The following MTUS2 variants were observed in gnomAD, a reference collection of about 807,000 sequenced individuals.
The protein encoded by MTUS2 is microtubule-associated tumor suppressor candidate 2.
In MTUS2, 40 loss-of-function variants were observed where a neutral mutation model predicts 114.1. The ratio of observed to expected loss-of-function variants is 0.35; its 90% CI spans 0.27 to 0.46. MTUS2 has a LOEUF of 0.46. MTUS2 is among the 20% of genes least tolerant of loss of function. MTUS2 has a pLI of 1.00. For missense variants in MTUS2, 1,679 were observed against 1,705.4 expected, an observed-to-expected ratio of 0.98 and a Z score of 0.27; for synonymous variants, 688 against 672.0, an observed-to-expected ratio of 1.02 and a Z score of -0.37.
chr13:29,503,264 G>T lies in MTUS2; in HGVS notation c.*58G>T. ...CTCGTCCTCCGGTCTCCACCCTGAG[G>T]GAGCACCGACCCGGTGCCGCCGGAG... is the stretch of plus-strand genomic sequence containing the variant. On this transcript the variant is annotated 3_prime_UTR_variant, in exon 16 of 16. Coordinates refer to ENST00000612955, the MANE Select transcript of MTUS2 (RefSeq NM_001033602.4). 6.3e-7 allele frequency: 1 copy of T among 1,591,076 alleles called. No individual in the cohort carries two copies. The highest frequency in any genetic ancestry group is 8.6e-7 in the Non-Finnish European group (1 of 1,166,938).
At position 29,075,655 on chromosome 13, in the gene MTUS2, G is replaced by T. The variant is rs58053228; in HGVS notation, c.2447-25118G>T. 5.3e-3 allele frequency among the ~76,000 whole-genome samples: 801 copies of T among 152,248 alleles called. 6 individuals carry two copies. Among genetic ancestry groups the T allele is most frequent in the African/African-American group, 0.018 (761 of 41,552 alleles). ...TGGGCTTCCACTGAGGTTACTGAGG[G>T]ACAACAACTTTATGTTTCCTAGAAT... On this transcript the variant is annotated intron_variant, in intron 4 of 15. Transcript: ENST00000612955.
intron 5 of MTUS2, among the ~76,000 whole-genome samples, chr13:29,117,526 G>T (rs1273532061): frequency 1.3e-5 from 2 of 152,044 alleles, no homozygotes; most frequent in Non-Finnish European, 2.9e-5. Flanking sequence ...AGTAATGCAG[G>T]GCTCCTCCAT....
intron 5 of MTUS2, among the ~76,000 whole-genome samples, chr13:29,257,376 T>C (rs1376868812): frequency 1.3e-5 from 2 of 152,228 alleles, no homozygotes; most frequent in Non-Finnish European, 2.9e-5. Context: ...CATCTTCTGC[T>C]ACCTTCCTAG....
In MTUS2 at chr13:28,942,950, TAAA is replaced by T. The variant is rs200753039; in HGVS notation, c.-242-81504_-242-81502del. Among the ~76,000 whole-genome samples, 727 of 152,272 alleles carry T rather than the reference TAAA, an allele frequency of 4.8e-3. 7 individuals carry two copies. The East Asian group carries it at 0.066, about 14-fold the overall frequency. On this transcript the variant is annotated intron_variant, in intron 2 of 15. Coordinates refer to ENST00000612955, the MANE Select transcript of MTUS2 (RefSeq NM_001033602.4). Reference sequence around the variant, plus strand: ...TTAATCATTTTTCTGTATATTTTAATAAAAATTTATGAAACGATATATTAATAC... The same window carrying T: ...TTAATCATTTTTCTGTATATTTTAATAATTTATGAAACGATATATTAATAC...
chr13:29,046,976 C>T (rs528282529), intron 4 of MTUS2, among the ~76,000 whole-genome samples: 2 of 152,188 alleles, frequency 1.3e-5, no homozygotes, highest in South Asian at 2.1e-4. Flanking sequence ...GGAAAGGGTA[C>T]AGAGGCAGGA....
At chr13:29,076,494 G>A (rs936869229) in intron 4 of MTUS2, among the ~76,000 whole-genome samples, 1 of 152,298 alleles carries the variant, frequency 6.6e-6, no homozygotes, top group South Asian at 2.1e-4. Flanking sequence ...GTCAGATTTG[G>A]TTAGTTCTAC....
At chr13:28,831,913 T>C (rs1874710791) in intron 1 of MTUS2, among the ~76,000 whole-genome samples, 1 of 151,416 alleles carries the variant, frequency 6.6e-6, no homozygotes, top group African/African-American at 2.4e-5. Context: ...CATGCCACCA[T>C]GCCTGGCTAT....
intron 2 of MTUS2, among the ~76,000 whole-genome samples, chr13:28,974,625 A>C (rs1884005962): frequency 6.6e-6 from 1 of 152,236 alleles, no homozygotes; most frequent in South Asian, 2.1e-4. Context: ...GTTCATAATA[A>C]ATGTTTGTCC....
rs1038448208 is a variant in MTUS2, at chr13:29,157,360, T to G, written c.2644+56390T>G. On this transcript the variant is annotated intron_variant, in intron 5 of 15. Transcript: ENST00000612955. ...TAAGAGTCCCCAATTCTCCACATACTCACCAGCCCTTGGTGTTTTTGACTT... is the reference window on the plus strand; with the variant it reads ...TAAGAGTCCCCAATTCTCCACATACGCACCAGCCCTTGGTGTTTTTGACTT... Among the ~76,000 whole-genome samples, 3 of 152,230 alleles carry G rather than the reference T, an allele frequency of 2.0e-5. No individual in the cohort carries two copies. The East Asian group carries it at 5.8e-4, about 29-fold the overall frequency.
intron 2 of MTUS2, among the ~76,000 whole-genome samples, chr13:28,999,303 G>C (rs566109203): frequency 6.6e-6 from 1 of 152,258 alleles, no homozygotes; most frequent in Non-Finnish European, 1.5e-5. Flanking sequence ...CGCCCCTACT[G>C]GGGGGTTCCT....
intron 5 of MTUS2, among the ~76,000 whole-genome samples, chr13:29,119,521 C>T (rs951868507): frequency 2.0e-5 from 3 of 151,976 alleles, no homozygotes; most frequent in African/African-American, 4.8e-5. Flanking sequence ...AACTTTAGTC[C>T]GTTAAGCATT....
At chr13:29,379,203 AC>A (rs1872002896) in intron 8 of MTUS2, among the ~76,000 whole-genome samples, 1 of 152,166 alleles carries the variant, frequency 6.6e-6, no homozygotes, top group Non-Finnish European at 1.5e-5. Context: ...ACAGACTAAT[AC>A]ACTTCACTTG....
intron 5 of MTUS2, among the ~76,000 whole-genome samples, chr13:29,147,062 T>C (rs532980309): frequency 1.3e-5 from 2 of 152,328 alleles, no homozygotes; most frequent in South Asian, 4.1e-4. Context: ...ACCCATTGTA[T>C]GTAAAAGAAG....
intron 1 of MTUS2, among the ~76,000 whole-genome samples, chr13:28,836,534 A>G (rs1182488690): frequency 6.6e-6 from 1 of 152,218 alleles, no homozygotes; most frequent in Non-Finnish European, 1.5e-5. Context: ...GAGAAGTATC[A>G]TGTTTTATTG....
chr13:28,887,674 A>G (rs1878671888), intron 2 of MTUS2, among the ~76,000 whole-genome samples: 1 of 152,192 alleles, frequency 6.6e-6, no homozygotes, highest in African/African-American at 2.4e-5. Flanking sequence ...CCAAGGTGGG[A>G]TGACCTTCAT....
At position 29,100,835 on chromosome 13, in the gene MTUS2, C is replaced by G. The variant is rs767698168; in HGVS notation, c.2509C>G (p.Arg837Gly). The G allele has an allele frequency of 2.6e-6, 4 of 1,551,790 alleles. No individual in the cohort carries two copies. Among genetic ancestry groups the G allele is most frequent in the East Asian group, 2.4e-5 (1 of 40,918 alleles). Residue 837 changes from arginine to glycine, a missense_variant, in exon 5 of 16, where the codon CGT becomes GGT. By Grantham distance (125) the Arg-to-Gly change is moderately radical. Around this residue, in one of 3 missense-constraint regions of MTUS2, gnomAD observed 822 missense variants for 899.7 expected, o/e 0.91. Coordinates refer to ENST00000612955, the MANE Select transcript of MTUS2 (RefSeq NM_001033602.4). The stretch of plus-strand genomic sequence containing the variant: ...ATCCAATCTCCCGAAATCTGGTCTC[C>G]GTCCTCCCGGATACTCACGTCTCCC... ...AKSNLPKSGL[R>G]PPGYSRLPAA...
intron 6 of MTUS2, 26 bp from the exon 7 acceptor site, chr13:29,324,587 T>C (rs1900400549): frequency 6.6e-7 from 1 of 1,516,682 alleles, no homozygotes; most frequent in Non-Finnish European, 9.0e-7. Flanking sequence ...ACTTTCTACC[T>C]ATTTCTCTTT....
chr13:29,241,011 ATTTG>A (rs969118337), intron 5 of MTUS2, among the ~76,000 whole-genome samples: 1 of 152,130 alleles, frequency 6.6e-6, no homozygotes, highest in African/African-American at 2.4e-5. Flanking sequence ...GACATTGCAT[ATTTG>A]TTTTTATGTT....
intron 2 of MTUS2, among the ~76,000 whole-genome samples, chr13:28,998,650 A>AT (rs1316565026): frequency 6.6e-6 from 1 of 152,004 alleles, no homozygotes; most frequent in Non-Finnish European, 1.5e-5. Flanking sequence ...TTGACCTTCC[A>AT]TTGCTGATAC....
Sources: gnomAD v4.1 joint callset for allele counts (sites outside exome capture counted in the v4.1 genomes callset) on GRCh38, gnomAD v4.1.1 for gene constraint, gnomAD v4.1.1 regional missense constraint, MANE v1.5 for transcripts, NCBI Gene and HGNC (gene_info 2026-07-23, HGNC 2026-07-21) for gene names.